The following ANKHD1 variants were observed in gnomAD, a reference collection of about 807,000 sequenced individuals.
ANKHD1 encodes ankyrin repeat and KH domain-containing protein 1.
In ANKHD1, 31 loss-of-function variants were observed where a neutral mutation model predicts 230.5. The ratio of observed to expected loss-of-function variants is 0.13; its 90% CI spans 0.10 to 0.18. ANKHD1 has a LOEUF of 0.18. ANKHD1 is among the 10% of genes least tolerant of loss of function. The pLI, the probability that ANKHD1 is intolerant of heterozygous loss-of-function variation, is 1.00. For synonymous variants in ANKHD1, 1,074 were observed against 1,117.6 expected (o/e 0.96, Z 0.78); for missense variants, 2,256 against 3,071.3 (o/e 0.73, Z 6.27).
chr5:140,528,754 TGTC>T lies in ANKHD1; in HGVS notation c.5809_5811del (p.Val1937del). ...TAGCTACTGCCAGTTGTCCTATCACTGTCTCTTCTGTAGTTGCTGCCAGTCAGC... is the reference window on the plus strand; with the variant it reads ...TAGCTACTGCCAGTTGTCCTATCACTTCTTCTGTAGTTGCTGCCAGTCAGC... On this transcript the variant is annotated inframe_deletion, in exon 29 of 34. Transcript: ENST00000360839. 2.5e-6 allele frequency: 4 copies of T among 1,614,198 alleles called. No individual in the cohort carries two copies. The highest frequency in any genetic ancestry group is 3.4e-6 in the Non-Finnish European group (4 of 1,180,034).
rs200350497 is a variant in ANKHD1 at position 140,441,090 on chromosome 5, T to G, written c.861T>G (p.Ile287Met). The part of the protein sequence containing the change: ...MAASSGGYLD[I>M]VKLLLLHDAD... The stretch of plus-strand genomic sequence containing the variant: ...CTTCCAGTGGAGGTTACTTAGATAT[T>G]GTGAAATTATTACTTCTTCATGATG... The change falls in exon 5 of 34, where the codon ATT (isoleucine) becomes ATG (methionine). Residue 287 changes from isoleucine to methionine, a missense_variant. Around this residue, in one of 13 missense-constraint regions of ANKHD1, gnomAD observed 206 missense variants for 304.5 expected, o/e 0.68. Transcript: ENST00000360839. 1.2e-6 allele frequency: 2 copies of G among 1,610,248 alleles called. No homozygotes were observed. The highest frequency in any genetic ancestry group is 1.3e-5 in the African/African-American group (1 of 74,798).
chr5:140,521,366 G>T (rs1307438780), intron 24 of ANKHD1, among the ~76,000 whole-genome samples: 1 of 152,168 alleles, frequency 6.6e-6, no homozygotes, highest in Admixed American at 6.5e-5. Flanking sequence ...CATGTGTGGT[G>T]GCTCATGCCT....
At chr5:140,493,335 G>T (rs974861416) in intron 14 of ANKHD1, among the ~76,000 whole-genome samples, 73 of 152,240 alleles carry the variant, frequency 4.8e-4, no homozygotes, top group African/African-American at 1.6e-3. Context: ...AAAGTGCTGG[G>T]ATTACAGGTG....
At position 140,486,995 on chromosome 5, in the gene ANKHD1, T is replaced by C; in HGVS notation, c.2180T>C (p.Val727Ala). The C allele has an allele frequency of 6.2e-7, 1 of 1,613,666 alleles. No homozygotes were observed. The highest frequency in any genetic ancestry group is 8.5e-7 in the Non-Finnish European group (1 of 1,179,672). ...RVPTHTLAMV[V>A]PPQEPDRTSQ... is the part of the protein sequence containing the mutation. ...CCAACGCATACACTTGCCATGGTTG[T>C]ACCTCCCCAGGAACCTGACAGAACT... The change falls in exon 14 of 34, where the codon GTA becomes GCA. Residue 727 changes from valine to alanine, a missense_variant. Around this residue, in one of 13 missense-constraint regions of ANKHD1, gnomAD observed 358 missense variants for 397.7 expected, o/e 0.90. Transcript: ENST00000360839.
intron 10 of ANKHD1, among the ~76,000 whole-genome samples, chr5:140,473,146 A>G (rs932445052): frequency 6.7e-6 from 1 of 149,674 alleles, no homozygotes; most frequent in African/African-American, 2.5e-5. Context: ...ATCCTGCCCC[A>G]GCCTCCCAAG....
intron 3 of ANKHD1, among the ~76,000 whole-genome samples, chr5:140,439,277 A>G (rs1294982341): frequency 1.3e-5 from 2 of 152,222 alleles, no homozygotes; most frequent in Non-Finnish European, 1.5e-5. Flanking sequence ...TTATACAAGT[A>G]GAGTTTAAAA....
chr5:140,417,833 CTTTT>C (rs35322010), intron 1 of ANKHD1, among the ~76,000 whole-genome samples: 4 of 106,774 alleles, frequency 3.7e-5, no homozygotes, highest in Admixed American at 1.1e-4. Flanking sequence ...CCCATATAGT[CTTTT>C]TTTTTTTTTT....
chr5:140,438,117 T>C (rs1240099126), intron 2 of ANKHD1, among the ~76,000 whole-genome samples: 2 of 152,320 alleles, frequency 1.3e-5, no homozygotes, highest in African/African-American at 4.8e-5. Context: ...AAGACAGATA[T>C]CCTGTACTAG....
chr5:140,445,252 T>C (rs991756567), intron 5 of ANKHD1, among the ~76,000 whole-genome samples: 6 of 150,466 alleles, frequency 4.0e-5, no homozygotes, highest in African/African-American at 1.5e-4. Flanking sequence ...ACGCCTGTAA[T>C]CCCAGCACTT....
rs1752545559 is a variant in ANKHD1, at chr5:140,506,590, AAATG to A, written c.3409-244_3409-241del. On this transcript the variant is annotated intron_variant, in intron 18 of 33. Transcript: ENST00000360839. The surrounding 1 kb of genome is among the most constrained non-coding windows in gnomAD (Gnocchi z 4.7). ...ATGAAGTGCAAATTTATTGCCCAAT[AAATG>A]GCAAATAGAAAGGGTAACATCTTGT... Among the ~76,000 whole-genome samples, 1 of 152,252 alleles carries A rather than the reference AAATG, an allele frequency of 6.6e-6. No individual in the cohort carries two copies. The highest frequency in any genetic ancestry group is 6.5e-5 in the Admixed American group (1 of 15,286).
intron 7 of ANKHD1, among the ~76,000 whole-genome samples, chr5:140,453,168 G>C (rs1194696374): frequency 6.6e-6 from 1 of 152,106 alleles, no homozygotes; most frequent in African/African-American, 2.4e-5. Context: ...GGAGAAAAAA[G>C]GGTAAAAAGA....
Position 140,506,230 on chromosome 5 carries a change from A to C in ANKHD1, c.3408+361A>C, listed in dbSNP as rs748666415. ...TATGGGCCAGCATGCCTGGCCCTGC[A>C]CGTATTTTAACATGTTCCATATACT... On this transcript the variant is annotated intron_variant, in intron 18 of 33. Coordinates refer to ENST00000360839, the MANE Select transcript of ANKHD1 (RefSeq NM_017747.3). This position sits in a 1 kb window ranked among gnomAD's most constrained non-coding sequence, Gnocchi z 4.7. Among the ~76,000 whole-genome samples the C allele has an allele frequency of 6.6e-6, 1 of 152,072 alleles. No individual in the cohort carries two copies. The highest frequency in any genetic ancestry group is 2.4e-5 in the African/African-American group (1 of 41,356).
At chr5:140,464,243 A>C (rs991152301) in intron 9 of ANKHD1, among the ~76,000 whole-genome samples, 2 of 152,034 alleles carry the variant, frequency 1.3e-5, no homozygotes, top group East Asian at 3.9e-4. Flanking sequence ...AAAAAAAAAA[A>C]AAAACTTATA....
In ANKHD1 at chr5:140,524,196, C is replaced by A; in HGVS notation, c.4448C>A (p.Ser1483Ter). ...GAAGAAAACAAACCTAAGGAGAATT[C>A]GGAACTACCAGAGGATGAAGATGAA... ...EDEENKPKEN[S>*]ELPEDEDEEE... Residue 1483 changes from serine to a stop codon, truncating the protein, a stop_gained, in exon 25 of 34, where the codon TCG becomes TAG. Transcript: ENST00000360839. LOFTEE classifies it high-confidence loss of function. The A allele has an allele frequency of 1.3e-6, 2 of 1,595,862 alleles. No homozygotes were observed. Among genetic ancestry groups the A allele is most frequent in the African/African-American group, 1.4e-5 (1 of 73,524 alleles).
intron 9 of ANKHD1, among the ~76,000 whole-genome samples, chr5:140,462,389 C>T (rs1481520752): frequency 1.3e-5 from 2 of 151,984 alleles, no homozygotes; most frequent in African/African-American, 2.4e-5. Flanking sequence ...TAAAGAGAAA[C>T]TTTCCCTCAA....
At chr5:140,519,862 G>A (rs1322773899) in intron 24 of ANKHD1, among the ~76,000 whole-genome samples, 1 of 151,930 alleles carries the variant, frequency 6.6e-6, no homozygotes, top group Non-Finnish European at 1.5e-5. Context: ...CAGGACATAG[G>A]CATGGGCAAG....
chr5:140,463,949 A>T (rs373249506), intron 9 of ANKHD1, among the ~76,000 whole-genome samples: 11 of 152,244 alleles, frequency 7.2e-5, no homozygotes, highest in Admixed American at 5.9e-4. Context: ...CAAGGGTTAC[A>T]GGTTTGAGCC....
intron 10 of ANKHD1, among the ~76,000 whole-genome samples, chr5:140,467,339 A>G (rs1369558143): frequency 1.3e-5 from 2 of 152,206 alleles, no homozygotes; most frequent in Non-Finnish European, 2.9e-5. Context: ...TTAAAAATGT[A>G]TAGCCTCTTC....
In ANKHD1 at chr5:140,504,906, A is replaced by G; in HGVS notation, c.3090A>G (p.Thr1030=). ...CACCTGAATCCTGTTCGCAGACTAC[A>G]AGCAATGTGGCTTCCCAATCGATGC... ...CLTPESCSQT[T]SNVASQSMPP... is the part of the protein sequence containing the mutation. Residue 1030 remains threonine, a synonymous_variant, in exon 16 of 34, where the codon ACA becomes ACG. Transcript: ENST00000360839. 6.2e-7 allele frequency: 1 copy of G among 1,614,202 alleles called. No individual in the cohort carries two copies. The highest frequency in any genetic ancestry group is 8.5e-7 in the Non-Finnish European group (1 of 1,180,030).
Sources: allele counts gnomAD v4.1 joint callset (sites outside exome capture counted in the v4.1 genomes callset), GRCh38; gene constraint gnomAD v4.1.1; regional missense constraint gnomAD v4.1.1; non-coding constraint Gnocchi (gnomAD v3.1); transcripts MANE v1.5; gene names NCBI Gene and HGNC (gene_info 2026-07-23, HGNC 2026-07-21).